PLEKHM3: variants seen among roughly 807,000 people sequenced by gnomAD.
PLEKHM3 encodes the protein pleckstrin homology domain-containing family M member 3.
PLEKHM3 carries 45 observed loss-of-function variants against 81.8 expected under a neutral mutation model. The observed-to-expected ratio is 0.55, with a 90% confidence interval of 0.43 to 0.71. The LOEUF is 0.71. Ranked by LOEUF, PLEKHM3 falls within the 30% of genes least tolerant of loss-of-function variation. The pLI, the probability that PLEKHM3 is intolerant of heterozygous loss-of-function variation, is 0.00. For synonymous variants in PLEKHM3, 352 were observed against 356.4 expected (o/e 0.99, Z 0.14); for missense variants, 788 against 924.3 (o/e 0.85, Z 1.91).
chr2:207,918,770 T>A (rs904430776), intron 5 of PLEKHM3, among the ~76,000 whole-genome samples: 1 of 152,220 alleles, frequency 6.6e-6, no homozygotes, highest in African/African-American at 2.4e-5. Flanking sequence ...AAGTATTTAT[T>A]AGCCCCCACT....
chr2:207,963,142 G>A (rs963780286), intron 3 of PLEKHM3, among the ~76,000 whole-genome samples: 1 of 152,108 alleles, frequency 6.6e-6, no homozygotes, highest in African/African-American at 2.4e-5. Context: ...GGGATGGAGA[G>A]GGTGTTTTTG....
chr2:207,991,476 C>T (rs1691898487), intron 2 of PLEKHM3, among the ~76,000 whole-genome samples: 1 of 152,170 alleles, frequency 6.6e-6, no homozygotes, highest in South Asian at 2.1e-4. Flanking sequence ...CTCCCCTGCC[C>T]TGTAAAAAGA....
chr2:207,901,233 C>T (rs893235152), intron 6 of PLEKHM3: 8 of 702,758 alleles, frequency 1.1e-5, no homozygotes, highest in Non-Finnish European at 1.8e-5. Flanking sequence ...ACATTTGCTG[C>T]CACATCCCGT....
intron 7 of PLEKHM3, among the ~76,000 whole-genome samples, chr2:207,842,128 G>A (rs2092358016): frequency 6.6e-6 from 1 of 152,134 alleles, no homozygotes; most frequent in African/African-American, 2.4e-5. Flanking sequence ...TAGTAGAGAC[G>A]GGGTTTCACC....
intron 3 of PLEKHM3, among the ~76,000 whole-genome samples, chr2:207,954,569 G>A (rs1176281728): frequency 6.6e-6 from 1 of 152,146 alleles, no homozygotes; most frequent in Admixed American, 6.5e-5. Context: ...GATTATACTT[G>A]CAGAACTAAG....
chr2:207,938,244 A>G (rs1689822386), intron 4 of PLEKHM3, among the ~76,000 whole-genome samples: 1 of 152,242 alleles, frequency 6.6e-6, no homozygotes, highest in Non-Finnish European at 1.5e-5. Flanking sequence ...AAGAGATTTT[A>G]TTAGAAAATG....
chr2:207,927,535 AAG>A, intron 5 of PLEKHM3, among the ~76,000 whole-genome samples: 1 of 148,810 alleles, frequency 6.7e-6, no homozygotes, highest in Non-Finnish European at 1.5e-5. Flanking sequence ...AAAAAAAAAA[AAG>A]AAGTGTGGCT....
chr2:208,005,737 T>C (rs1310543377), intron 1 of PLEKHM3, among the ~76,000 whole-genome samples: 7 of 152,186 alleles, frequency 4.6e-5, no homozygotes, highest in African/African-American at 1.7e-4. Context: ...AAATATAAGC[T>C]CTACAAGTCC....
rs1434545804 is a variant in PLEKHM3 at position 207,825,833 on chromosome 2, T to C, written c.*2486A>G. The stretch of plus-strand genomic sequence containing the variant: ...CGATTTTTTGTTTCCCTTTTGAAAA[T>C]AAGCAGAAAATGATGTGGGTGGAAA... On this transcript the variant is annotated 3_prime_UTR_variant, in exon 8 of 8. Transcript: ENST00000427836. 1.3e-5 allele frequency: 2 copies of C among 152,162 alleles called. No individual in the cohort carries two copies. Among genetic ancestry groups the C allele is most frequent in the East Asian group, 3.8e-4 (2 of 5,202 alleles). The allele number at this position is 152,162 out of a possible 1,614,324, so 9.4% of individuals were successfully genotyped here.
At position 207,843,537 on chromosome 2, in the gene PLEKHM3, C is replaced by T. The variant is rs111792195; in HGVS notation, c.2109-15041G>A. Reference sequence around the variant, plus strand: ...ATTCACATCATTTCTGTCCCTAAGCCCCTGAGCTGGTGCTTATTTCAAGCA... The same window carrying T: ...ATTCACATCATTTCTGTCCCTAAGCTCCTGAGCTGGTGCTTATTTCAAGCA... On this transcript the variant is annotated intron_variant, in intron 7 of 7. Coordinates refer to ENST00000427836, the MANE Select transcript of PLEKHM3 (RefSeq NM_001080475.3). This position sits in a 1 kb window ranked among gnomAD's most constrained non-coding sequence, Gnocchi z 4.4. 7.9e-3 allele frequency among the ~76,000 whole-genome samples: 1,205 copies of T among 152,174 alleles called. 13 individuals are homozygous for T. The highest frequency in any genetic ancestry group is 0.027 in the African/African-American group (1,103 of 41,512).
Position 207,983,692 on chromosome 2 carries a change from T to C in PLEKHM3, c.611-6106A>G, listed in dbSNP as rs541367353. Among the ~76,000 whole-genome samples, 171 of 152,288 alleles carry C rather than the reference T, an allele frequency of 1.1e-3. 1 individual carries two copies. The highest frequency in any genetic ancestry group is 1.9e-3 in the Non-Finnish European group (129 of 68,020). ...AGTGAAGATCCCCTTTTCCTTCTCCTCCTCGTCTTTACAGTATCCAGTGCA... is the reference window on the plus strand; with the variant it reads ...AGTGAAGATCCCCTTTTCCTTCTCCCCCTCGTCTTTACAGTATCCAGTGCA... On this transcript the variant is annotated intron_variant, in intron 2 of 7. Coordinates refer to ENST00000427836, the MANE Select transcript of PLEKHM3 (RefSeq NM_001080475.3).
intron 7 of PLEKHM3, among the ~76,000 whole-genome samples, chr2:207,855,237 A>C (rs1185149835): frequency 3.3e-5 from 5 of 151,632 alleles, no homozygotes; most frequent in Admixed American, 3.3e-4. Flanking sequence ...ACCAAAAACA[A>C]CTCCCCCCAG....
In PLEKHM3 at chr2:208,001,102, C is replaced by G. The variant is rs933281560; in HGVS notation, c.538G>C (p.Gly180Arg). ...AAAGATGGCCTGGTGACATGCGGGC[C>G]TTGAAGCAATGGCTGCTGCTGTTGC... The part of the protein sequence containing the change: ...QQQQQQPLLQ[G>R]PHVTRPSFLL... Residue 180 changes from glycine (G) to arginine (R), a missense_variant, in exon 2 of 8, where the codon GGC becomes CGC. Coordinates refer to ENST00000427836, the MANE Select transcript of PLEKHM3 (RefSeq NM_001080475.3). The G allele has an allele frequency of 1.9e-6, 3 of 1,586,320 alleles. No individual in the cohort carries two copies. The African/African-American group carries it at 4.1e-5, about 21-fold the overall frequency.
Position 207,868,883 on chromosome 2 carries a change from GT to G in PLEKHM3, c.1951-7622del, listed in dbSNP as rs200234672. The G allele has an allele frequency of 6.6e-3, 1,003 of 152,170 alleles. 16 individuals are homozygous for G. The highest frequency in any genetic ancestry group is 0.022 in the African/African-American group (927 of 41,504). 9.4% of individuals were successfully genotyped at this position (152,170 alleles called of 1,614,324 possible). A position where few individuals can be genotyped will look rare whatever the true frequency, so the allele number is the denominator to read the frequency against. On this transcript the variant is annotated intron_variant, in intron 6 of 7. Coordinates refer to ENST00000427836, the MANE Select transcript of PLEKHM3 (RefSeq NM_001080475.3). ...ACATCCATTTCTTCTGATATTATCTGTTTGGATGGGATCAGTAGAAATTAAT... is the reference window on the plus strand; with the variant it reads ...ACATCCATTTCTTCTGATATTATCTGTTGGATGGGATCAGTAGAAATTAAT...
At chr2:207,859,136 C>CTTTTT (rs371493664) in intron 7 of PLEKHM3, among the ~76,000 whole-genome samples, 10 of 118,380 alleles carry the variant, frequency 8.4e-5, no homozygotes, top group South Asian at 2.8e-4. Context: ...TTTTCTTTTT[C>CTTTTT]TTTTTTTTTT....
chr2:207,894,563 G>T lies in PLEKHM3; in HGVS notation c.1950+13951C>A, dbSNP rs1325055727. Reference sequence around the variant, plus strand: ...TGGTAGAGTTTCAGAAATGGTGGTGGTTGGGGTGGGGGGGTGGGGTTTGTT... The same window carrying T: ...TGGTAGAGTTTCAGAAATGGTGGTGTTTGGGGTGGGGGGGTGGGGTTTGTT... On this transcript the variant is annotated intron_variant, in intron 6 of 7. Coordinates refer to ENST00000427836, the MANE Select transcript of PLEKHM3 (RefSeq NM_001080475.3). Among the ~76,000 whole-genome samples, 7 of 145,760 alleles carry T rather than the reference G, an allele frequency of 4.8e-5. No homozygotes were observed. The East Asian group carries it at 1.4e-3, about 30-fold the overall frequency.
intron 1 of PLEKHM3, among the ~76,000 whole-genome samples, chr2:208,005,610 G>A (rs955943540): frequency 1.3e-5 from 2 of 152,102 alleles, no homozygotes; most frequent in Admixed American, 6.5e-5. Flanking sequence ...ACTTACTACT[G>A]TTCATGTTAA....
At chr2:208,004,201 C>T (rs1467420041) in intron 1 of PLEKHM3, among the ~76,000 whole-genome samples, 3 of 152,078 alleles carry the variant, frequency 2.0e-5, no homozygotes, top group South Asian at 2.1e-4. Context: ...TCACTTGATC[C>T]ACCAAGAGTT....
intron 5 of PLEKHM3, among the ~76,000 whole-genome samples, chr2:207,920,741 A>C (rs1034002177): frequency 6.6e-6 from 1 of 152,028 alleles, no homozygotes; most frequent in African/African-American, 2.4e-5. Flanking sequence ...GTTTTGGCTA[A>C]AGATATTTAC....
Sources: gnomAD v4.1 joint callset for allele counts (sites outside exome capture counted in the v4.1 genomes callset) on GRCh38, gnomAD v4.1.1 for gene constraint, Gnocchi (gnomAD v3.1) non-coding constraint, MANE v1.5 for transcripts, NCBI Gene and HGNC (gene_info 2026-07-23, HGNC 2026-07-21) for gene names.